CDKAL1: variants seen among roughly 807,000 people sequenced by gnomAD.
The protein encoded by CDKAL1 is CDKAL1 threonylcarbamoyladenosine tRNA methylthiotransferase.
CDKAL1 carries 32 observed loss-of-function variants against 68.2 expected under a neutral mutation model. That is an observed-to-expected ratio of 0.47 (90% CI 0.35 to 0.63). The LOEUF (loss-of-function observed/expected upper bound fraction) is 0.63. CDKAL1 is among the 30% of genes least tolerant of loss of function. CDKAL1 has a pLI of 0.00. For missense variants in CDKAL1, 606 were observed against 696.7 expected (o/e 0.87, Z 1.47); for synonymous variants, 234 against 244.3 (o/e 0.96, Z 0.39).
At chr6:21,048,478 CACTT>C (rs1198968956) in intron 11 of CDKAL1, among the ~76,000 whole-genome samples, 5 of 152,044 alleles carry the variant, frequency 3.3e-5, no homozygotes, top group South Asian at 2.1e-4. Context: ...GTTTCTTTCT[CACTT>C]GCTTGCTCTG....
At chr6:20,980,219 AG>A (rs1414683399) in intron 10 of CDKAL1, among the ~76,000 whole-genome samples, 1 of 151,918 alleles carries the variant, frequency 6.6e-6, no homozygotes, top group East Asian at 1.9e-4. Flanking sequence ...ATATAGATAT[AG>A]ATATAGATAT....
chr6:20,849,145 A>C (rs1457519588), intron 9 of CDKAL1, among the ~76,000 whole-genome samples: 2 of 152,092 alleles, frequency 1.3e-5, no homozygotes, highest in Admixed American at 6.5e-5. Context: ...TGGATTTGAA[A>C]TACTGCTCTG....
At chr6:20,664,711 A>G (rs1048227290) in intron 5 of CDKAL1, among the ~76,000 whole-genome samples, 20 of 152,158 alleles carry the variant, frequency 1.3e-4, no homozygotes, top group Non-Finnish European at 4.4e-5. Context: ...AAAATAGGGA[A>G]TAGAACTGGA....
chr6:20,973,853 C>T (rs1341157453), intron 10 of CDKAL1, among the ~76,000 whole-genome samples: 1 of 152,216 alleles, frequency 6.6e-6, no homozygotes, highest in Non-Finnish European at 1.5e-5. Context: ...GATCTGCTCA[C>T]CTCAGCCTCC....
chr6:20,788,814 T>G (rs1161615347), intron 8 of CDKAL1, among the ~76,000 whole-genome samples: 1 of 152,220 alleles, frequency 6.6e-6, no homozygotes, highest in Non-Finnish European at 1.5e-5. Flanking sequence ...TACGACTTTA[T>G]GCTGTTCAAT....
At chr6:21,143,783 T>C (rs1451153825) in intron 13 of CDKAL1, among the ~76,000 whole-genome samples, 1 of 152,208 alleles carries the variant, frequency 6.6e-6, no homozygotes, top group African/African-American at 2.4e-5. Context: ...ACAAACTCTG[T>C]TTCTTCATGC....
At chr6:21,072,554 CAAAAAAAAAAA>C (rs71540611) in intron 12 of CDKAL1, among the ~76,000 whole-genome samples, 11 of 44,486 alleles carry the variant, frequency 2.5e-4, no homozygotes, top group African/African-American at 6.8e-4. Flanking sequence ...GACTCCGTCT[CAAAAAAAAAAA>C]AAAAAAAAAA....
At chr6:20,773,343 C>G (rs899387880) in intron 7 of CDKAL1, among the ~76,000 whole-genome samples, 2 of 152,192 alleles carry the variant, frequency 1.3e-5, no homozygotes, top group Non-Finnish European at 2.9e-5. Flanking sequence ...TAGAGACAAA[C>G]TTTGACTACA....
chr6:20,642,132 T>C (rs1056565510), intron 4 of CDKAL1, among the ~76,000 whole-genome samples: 1 of 152,078 alleles, frequency 6.6e-6, no homozygotes, highest in African/African-American at 2.4e-5. Context: ...TCCTAATAGA[T>C]CCGAGATATA....
chr6:20,763,586 T>A (rs1774563558), intron 7 of CDKAL1, among the ~76,000 whole-genome samples: 1 of 152,150 alleles, frequency 6.6e-6, no homozygotes, highest in Non-Finnish European at 1.5e-5. Flanking sequence ...CCACATTTGA[T>A]CCCTGTTGGG....
chr6:20,944,241 C>G (rs776157694), intron 9 of CDKAL1, among the ~76,000 whole-genome samples: 4 of 152,196 alleles, frequency 2.6e-5, no homozygotes, highest in Admixed American at 6.5e-5. Context: ...TGTGTTGTTT[C>G]TTGTCCAATT....
chr6:20,723,378 C>T (rs1009624913), intron 5 of CDKAL1, among the ~76,000 whole-genome samples: 2 of 152,254 alleles, frequency 1.3e-5, no homozygotes, highest in Non-Finnish European at 2.9e-5. Context: ...CCCCTTGAGG[C>T]GACATGCCTG....
At chr6:21,016,461 T>C (rs773285001) in intron 11 of CDKAL1, among the ~76,000 whole-genome samples, 1 of 152,210 alleles carries the variant, frequency 6.6e-6, no homozygotes, top group Non-Finnish European at 1.5e-5. Context: ...CTGCTTACTC[T>C]GTTTTATTGT....
At chr6:20,934,088 CAAAT>C (rs1230260066) in intron 9 of CDKAL1, among the ~76,000 whole-genome samples, 3 of 152,032 alleles carry the variant, frequency 2.0e-5, no homozygotes, top group Non-Finnish European at 4.4e-5. Flanking sequence ...GGTTGTAAAA[CAAAT>C]AAACAGCTTT....
At chr6:21,150,996 C>T (rs1338955411) in intron 13 of CDKAL1, among the ~76,000 whole-genome samples, 3 of 152,304 alleles carry the variant, frequency 2.0e-5, no homozygotes, top group Non-Finnish European at 4.4e-5. Context: ...TGATTTGTCC[C>T]TCTGATCTTA....
intron 7 of CDKAL1, among the ~76,000 whole-genome samples, chr6:20,771,729 T>C (rs9350281): frequency 0.45 from 67,599 of 151,836 alleles, 15,281 homozygotes; most frequent in South Asian, 0.5. Flanking sequence ...GGAATTCTCA[T>C]GTGAGTTGGT....
intron 5 of CDKAL1, among the ~76,000 whole-genome samples, chr6:20,661,361 G>T (rs758040850): frequency 6.6e-6 from 1 of 152,094 alleles, no homozygotes. Flanking sequence ...TGAGGAGCAA[G>T]TTTTCTAGAA....
intron 8 of CDKAL1, among the ~76,000 whole-genome samples, chr6:20,826,839 T>A (rs184627587): frequency 6.6e-6 from 1 of 152,320 alleles, no homozygotes; most frequent in East Asian, 1.9e-4. Context: ...ACCAGTCTTG[T>A]TGGCTTTGTT....
At chr6:20,958,834 A>G (rs1433128029) in intron 10 of CDKAL1, among the ~76,000 whole-genome samples, 1 of 152,170 alleles carries the variant, frequency 6.6e-6, no homozygotes, top group Non-Finnish European at 1.5e-5. Flanking sequence ...CTTCCTCTTC[A>G]TTCTGTTCAC....
Sources: allele counts gnomAD v4.1 joint callset (sites outside exome capture counted in the v4.1 genomes callset), GRCh38; gene constraint gnomAD v4.1.1; transcripts MANE v1.5; gene names NCBI Gene and HGNC (gene_info 2026-07-23, HGNC 2026-07-21).